Variants in ADARB1 observed in about 807,000 individuals in gnomAD.
ADARB1 encodes adenosine deaminase RNA specific B1, also known as double-stranded RNA-specific editase 1.
A neutral mutation model predicts 52.4 loss-of-function variants in ADARB1; 10 were observed. The observed-to-expected ratio is 0.19, with a 90% CI of 0.12 to 0.32. The LOEUF is 0.32. Ranked by LOEUF, ADARB1 falls within the 10% of genes least tolerant of loss-of-function variation. The pLI, the probability that ADARB1 is intolerant of heterozygous loss-of-function variation, is 1.00. For missense variants in ADARB1, 643 were observed against 922.3 expected, an observed-to-expected ratio of 0.70 and a Z score of 3.92; for synonymous variants, 349 against 371.1, an observed-to-expected ratio of 0.94 and a Z score of 0.68.
At chr21:45,164,764 G>A (rs1158473049) in intron 2 of ADARB1, among the ~76,000 whole-genome samples, 1 of 152,138 alleles carries the variant, frequency 6.6e-6, no homozygotes, top group East Asian at 1.9e-4. Flanking sequence ...GAGGAGAGGG[G>A]CTCTCAGGGT....
rs963903910 is a variant in ADARB1, at chr21:45,200,794, G to A, written c.1566-3761G>A. 6.6e-6 allele frequency among the ~76,000 whole-genome samples: 1 copy of A among 152,198 alleles called. No homozygotes were observed. Among genetic ancestry groups the A allele is most frequent in the Non-Finnish European group, 1.5e-5 (1 of 68,038 alleles). On this transcript the variant is annotated intron_variant, in intron 8 of 10. Transcript: ENST00000348831. The surrounding 1 kb of genome is among the most constrained non-coding windows in gnomAD (Gnocchi z 5.0). ...AGCCTGGCTGACTGGGCCGAGTGCT[G>A]TGGAGGCTGTGGTTTGGGTCAGAGT...
At chr21:45,081,179 C>T (rs150295246) in intron 1 of ADARB1, among the ~76,000 whole-genome samples, 1 of 152,274 alleles carries the variant, frequency 6.6e-6, no homozygotes, top group African/African-American at 2.4e-5. Flanking sequence ...TGAGTGCCTG[C>T]TCTGTGTGAG....
At chr21:45,216,152 T>C (rs2092857953) in intron 9 of ADARB1, among the ~76,000 whole-genome samples, 1 of 152,186 alleles carries the variant, frequency 6.6e-6, no homozygotes, top group Admixed American at 6.5e-5. Context: ...GTGATATCTC[T>C]AATGATATCG....
At chr21:45,183,256 C>A in intron 6 of ADARB1, 106 bp from the exon 7 acceptor site, 1 of 1,119,610 alleles carries the variant, frequency 8.9e-7, no homozygotes, top group South Asian at 1.8e-5. Flanking sequence ...TATTCCAGTT[C>A]AAACTTATCT....
chr21:45,181,944 A>G (rs1358511508), intron 5 of ADARB1, among the ~76,000 whole-genome samples: 1 of 152,254 alleles, frequency 6.6e-6, no homozygotes, highest in East Asian at 1.9e-4. Flanking sequence ...CCATTGGTTC[A>G]GCTGCAGTGG....
intron 7 of ADARB1, 84 bp from the exon 8 acceptor site, chr21:45,184,839 T>A: frequency 7.2e-7 from 1 of 1,385,914 alleles, no homozygotes; most frequent in South Asian, 1.4e-5. Flanking sequence ...ATTTTAAATT[T>A]ATAAGCTATT....
chr21:45,196,837 A>G (rs2092435637), intron 8 of ADARB1, among the ~76,000 whole-genome samples: 1 of 152,228 alleles, frequency 6.6e-6, no homozygotes, highest in Non-Finnish European at 1.5e-5. Context: ...TGACAGTGAT[A>G]TGGAGGAACT....
chr21:45,186,078 C>T (rs977964358), intron 8 of ADARB1, among the ~76,000 whole-genome samples: 3 of 152,214 alleles, frequency 2.0e-5, no homozygotes, highest in African/African-American at 7.2e-5. Flanking sequence ...CACCTCCACA[C>T]GTGCATATGT....
intron 1 of ADARB1, among the ~76,000 whole-genome samples, chr21:45,081,367 C>G (rs990170844): frequency 3.3e-5 from 5 of 152,186 alleles, no homozygotes; most frequent in African/African-American, 1.2e-4. Flanking sequence ...GGTACCCATA[C>G]AGTCATTCTG....
Position 45,128,015 on chromosome 21 carries a change from C to T in ADARB1, c.-219-387C>T, listed in dbSNP as rs1257762367. Among the ~76,000 whole-genome samples, 2 of 152,164 alleles carry T rather than the reference C, an allele frequency of 1.3e-5. No homozygotes were observed. The highest frequency in any genetic ancestry group is 6.5e-5 in the Admixed American group (1 of 15,270). ...GTGCAGGGATGGTGCGTCTCTGTATCTGGACTCACATTCACATGTGTGCAT... is the reference window on the plus strand; with the variant it reads ...GTGCAGGGATGGTGCGTCTCTGTATTTGGACTCACATTCACATGTGTGCAT... On this transcript the variant is annotated intron_variant, in intron 1 of 10. Coordinates refer to ENST00000348831, the MANE Select transcript of ADARB1 (RefSeq NM_001112.4). This position sits in a 1 kb window ranked among gnomAD's most constrained non-coding sequence, Gnocchi z 4.6.
intron 1 of ADARB1, among the ~76,000 whole-genome samples, chr21:45,118,357 C>T (rs756190641): frequency 5.3e-5 from 8 of 152,128 alleles, no homozygotes; most frequent in Non-Finnish European, 1.0e-4. Context: ...TCTTAATTCA[C>T]TTCCTTATAG....
intron 8 of ADARB1, among the ~76,000 whole-genome samples, chr21:45,202,038 G>GA (rs1482325581): frequency 6.6e-6 from 1 of 152,104 alleles, no homozygotes; most frequent in Non-Finnish European, 1.5e-5. Flanking sequence ...AGGGCTGGGG[G>GA]ATCTGGCCGG....
intron 1 of ADARB1, among the ~76,000 whole-genome samples, chr21:45,120,331 A>G (rs938317623): frequency 7.2e-5 from 11 of 152,152 alleles, no homozygotes; most frequent in African/African-American, 2.2e-4. Context: ...ATCCATTTAC[A>G]TTTTCGTTAG....
Position 45,133,778 on chromosome 21 carries a change from G to A in ADARB1, c.-48+5205G>A, listed in dbSNP as rs373939699. 6 of 211,078 alleles carry A rather than the reference G, an allele frequency of 2.8e-5. No individual in the cohort carries two copies. The East Asian group carries it at 8.0e-4, about 28-fold the overall frequency. 13.1% of individuals were successfully genotyped at this position (211,078 alleles called of 1,614,324 possible). ...TGCCCGACGGTGTGTGCGCCCGATG[G>A]GTGTGTGTGCCCGACAGTGGTGTGT... On this transcript the variant is annotated intron_variant, in intron 2 of 10. Coordinates refer to ENST00000348831, the MANE Select transcript of ADARB1 (RefSeq NM_001112.4).
At chr21:45,202,896 C>T (rs2092587572) in intron 8 of ADARB1, among the ~76,000 whole-genome samples, 1 of 149,278 alleles carries the variant, frequency 6.7e-6, no homozygotes. Flanking sequence ...TCCCCTGAAG[C>T]GCATGCCACA....
At chr21:45,167,760 C>G (rs1414416319) in intron 2 of ADARB1, among the ~76,000 whole-genome samples, 1 of 152,050 alleles carries the variant, frequency 6.6e-6, no homozygotes, top group Non-Finnish European at 1.5e-5. Context: ...ATAAAAAATA[C>G]TTTTTATTTT....
At chr21:45,151,228 A>G (rs1355864659) in intron 2 of ADARB1, among the ~76,000 whole-genome samples, 1 of 152,246 alleles carries the variant, frequency 6.6e-6, no homozygotes, top group African/African-American at 2.4e-5. Flanking sequence ...AGTGCAGCTC[A>G]TATTCCAGAT....
chr21:45,134,055 C>T (rs1377094117), intron 2 of ADARB1, among the ~76,000 whole-genome samples: 1 of 95,936 alleles, frequency 1.0e-5, no homozygotes, highest in Admixed American at 1.1e-4. Context: ...TGTGTGTGCC[C>T]GACAGTGGTG....
chr21:45,106,722 G>C (rs2087275047), intron 1 of ADARB1, among the ~76,000 whole-genome samples: 1 of 152,164 alleles, frequency 6.6e-6, no homozygotes, highest in South Asian at 2.1e-4. Flanking sequence ...GGTAAAGAAG[G>C]TATTGTTGAG....
Sources: gnomAD v4.1 joint callset for allele counts (sites outside exome capture counted in the v4.1 genomes callset) on GRCh38, gnomAD v4.1.1 for gene constraint, Gnocchi (gnomAD v3.1) non-coding constraint, MANE v1.5 for transcripts, NCBI Gene and HGNC (gene_info 2026-07-23, HGNC 2026-07-21) for gene names.